Variants in IL34 observed in about 807,000 individuals in gnomAD.
IL34 encodes the protein interleukin-34.
In IL34, 17 loss-of-function variants were observed where a neutral mutation model predicts 25.3. That is an observed-to-expected ratio of 0.67 (90% CI 0.46 to 1.01). IL34 has a LOEUF of 1.01. Ranked by LOEUF, IL34 falls within the 50% of genes least tolerant of loss-of-function variation. The probability of loss-of-function intolerance (pLI) is 0.00; values close to 1 mark genes in which losing one functional copy is unlikely to be tolerated. For missense variants in IL34, 368 were observed against 312.9 expected (o/e 1.18, Z -1.33); for synonymous variants, 174 against 140.9 (o/e 1.23, Z -1.66).
At chr16:70,598,216 G>C (rs1315811259) in intron 1 of IL34, among the ~76,000 whole-genome samples, 1 of 152,046 alleles carries the variant, frequency 6.6e-6, no homozygotes, top group Non-Finnish European at 1.5e-5. Context: ...CTGCCCCCCA[G>C]AACTTCCTGC....
intron 1 of IL34, among the ~76,000 whole-genome samples, chr16:70,594,207 G>GAGA (rs138441253): frequency 0.04 from 6,140 of 152,218 alleles, 338 homozygotes; most frequent in East Asian, 0.2. Context: ...CAAAGTTGGG[G>GAGA]AGAACAACCA....
At chr16:70,614,625 G>A (rs1567445063) in intron 1 of IL34, among the ~76,000 whole-genome samples, 1 of 152,218 alleles carries the variant, frequency 6.6e-6, no homozygotes, top group East Asian at 1.9e-4. Flanking sequence ...ATTTCATGAT[G>A]TTGTTTGTCC....
chr16:70,583,300 A>C (rs1207485246), intron 1 of IL34, among the ~76,000 whole-genome samples: 1 of 151,618 alleles, frequency 6.6e-6, no homozygotes, highest in African/African-American at 2.4e-5. Context: ...TTTAGTAGAG[A>C]TGGGGCTTCT....
chr16:70,639,323 C>T (rs942955035), intron 1 of IL34, among the ~76,000 whole-genome samples: 5 of 152,150 alleles, frequency 3.3e-5, no homozygotes, highest in African/African-American at 9.7e-5. Flanking sequence ...ATTACACGGG[C>T]CTGGAGACTG....
At chr16:70,642,594 C>G (rs890118433), upstream of IL34, among the ~76,000 whole-genome samples, 8 of 152,090 alleles carry the variant, frequency 5.3e-5, no homozygotes, top group Admixed American at 2.0e-4. Flanking sequence ...CTGAGCCCGG[C>G]CTGATTTCTT....
intron 1 of IL34, among the ~76,000 whole-genome samples, chr16:70,647,307 G>A (rs1023993982): frequency 1.9e-4 from 29 of 152,264 alleles, no homozygotes; most frequent in Middle Eastern, 3.4e-3. Flanking sequence ...GGGCAGCAGC[G>A]GCCCAGTCCT....
intron 1 of IL34, among the ~76,000 whole-genome samples, chr16:70,612,882 T>C (rs2051111457): frequency 6.6e-6 from 1 of 152,158 alleles, no homozygotes; most frequent in Non-Finnish European, 1.5e-5. Context: ...GCCTCCCCGG[T>C]TAAAGCGATT....
At chr16:70,591,502 G>A (rs1300498095) in intron 1 of IL34, among the ~76,000 whole-genome samples, 1 of 151,336 alleles carries the variant, frequency 6.6e-6, no homozygotes, top group Non-Finnish European at 1.5e-5. Context: ...CCAGGAGGTC[G>A]AGGCTTCAGT....
Position 70,639,563 on chromosome 16 carries a change from A to T in IL34, c.-400-6985A>T, listed in dbSNP as rs535695132. On this transcript the variant is annotated intron_variant, in intron 1 of 6. Transcript: ENST00000429149. ...CCAACATCAGCAAAGAGTGGAGTGC[A>T]GTTGTCACGTGCCTTCTGTTGAAAG... 1.2e-4 allele frequency among the ~76,000 whole-genome samples: 18 copies of T among 152,334 alleles called. 2 individuals are homozygous for T. In the South Asian group the frequency reaches 3.7e-3, roughly 32 times the overall value.
intron 1 of IL34, among the ~76,000 whole-genome samples, chr16:70,615,206 ATCT>A (rs886829025): frequency 5.3e-4 from 81 of 152,242 alleles, no homozygotes; most frequent in African/African-American, 1.7e-3. Flanking sequence ...GTTAACAAAC[ATCT>A]TCTTTTAAAG....
intron 4 of IL34, among the ~76,000 whole-genome samples, chr16:70,659,344 C>T (rs573526293): frequency 6.6e-5 from 10 of 152,356 alleles, no homozygotes; most frequent in Admixed American, 1.3e-4. Context: ...GTTTGCCCCA[C>T]TTTCCTCACT....
intron 1 of IL34, among the ~76,000 whole-genome samples, chr16:70,590,743 C>T (rs1423627934): frequency 6.6e-6 from 1 of 152,188 alleles, no homozygotes; most frequent in Non-Finnish European, 1.5e-5. Context: ...TAGCCAGCAG[C>T]TGGCGTTGCT....
At chr16:70,620,494 C>T (rs1385193891) in intron 1 of IL34, among the ~76,000 whole-genome samples, 3 of 151,912 alleles carry the variant, frequency 2.0e-5, no homozygotes, top group Admixed American at 6.6e-5. Flanking sequence ...GAATTGGGAC[C>T]TAGCTCAGCC....
At chr16:70,656,524 A>T in intron 2 of IL34, 78 bp from the exon 3 acceptor site, 2 of 845,140 alleles carry the variant, frequency 2.4e-6, no homozygotes, top group Admixed American at 1.7e-5. Flanking sequence ...CTGTTAAAAA[A>T]AACATCATTT....
At chr16:70,635,973 C>T (rs901252144) in intron 1 of IL34, among the ~76,000 whole-genome samples, 1 of 150,966 alleles carries the variant, frequency 6.6e-6, no homozygotes, top group African/African-American at 2.4e-5. Flanking sequence ...TCACCTTGCC[C>T]AAGGCAAGGT....
intron 1 of IL34, among the ~76,000 whole-genome samples, chr16:70,626,583 A>G (rs1015502933): frequency 6.6e-6 from 1 of 151,806 alleles, no homozygotes; most frequent in African/African-American, 2.4e-5. Context: ...TTTAGTGGAG[A>G]TGGGGTTTCA....
At chr16:70,599,460 G>A (rs149006131) in intron 1 of IL34, among the ~76,000 whole-genome samples, 48 of 151,098 alleles carry the variant, frequency 3.2e-4, no homozygotes, top group Non-Finnish European at 6.6e-4. Context: ...GGGTTCAAGC[G>A]ATTCTCCTGC....
At chr16:70,612,253 CAA>C (rs140675444) in intron 1 of IL34, among the ~76,000 whole-genome samples, 4,357 of 150,384 alleles carry the variant, frequency 0.029, 225 homozygotes, top group African/African-American at 0.1. Flanking sequence ...GTGATTTCCT[CAA>C]GTCACATAGC....
At position 70,633,890 on chromosome 16, in the gene IL34, G is replaced by T. The variant is rs201824532; in HGVS notation, c.-400-12658G>T. On this transcript the variant is annotated intron_variant, in intron 1 of 6. Coordinates refer to the IL34 transcript ENST00000429149. ...TTTTGAGACAGAGTCTCGCATTGTCGCCCAGGCTGGAGTGCGGTGGCGTGA... is the reference window on the plus strand; with the variant it reads ...TTTTGAGACAGAGTCTCGCATTGTCTCCCAGGCTGGAGTGCGGTGGCGTGA... Among the ~76,000 whole-genome samples, 4 of 151,464 alleles carry T rather than the reference G, an allele frequency of 2.6e-5. No homozygotes were observed. In the East Asian group the frequency reaches 7.8e-4, roughly 29 times the overall value.
Sources: allele counts gnomAD v4.1 joint callset (sites outside exome capture counted in the v4.1 genomes callset), GRCh38; gene constraint gnomAD v4.1.1; transcripts MANE v1.5; gene names NCBI Gene and HGNC (gene_info 2026-07-23, HGNC 2026-07-21).